CTNNA3: variants seen among roughly 807,000 people sequenced by gnomAD.
The protein encoded by CTNNA3 is catenin alpha 3, also known as catenin alpha-3.
CTNNA3 carries 76 observed loss-of-function variants against 95.7 expected under a neutral mutation model. That is an observed-to-expected ratio of 0.79 (90% confidence interval 0.66 to 0.96). The LOEUF (loss-of-function observed/expected upper bound fraction) is 0.96. Ranked by LOEUF, CTNNA3 falls within the 40% of genes least tolerant of loss-of-function variation. The pLI, the probability that CTNNA3 is intolerant of heterozygous loss-of-function variation, is 0.00. For synonymous variants in CTNNA3, 431 were observed against 374.4 expected, an observed-to-expected ratio of 1.15 and a Z score of -1.74; for missense variants, 1,191 against 1,089.8, an observed-to-expected ratio of 1.09 and a Z score of -1.31.
rs180999799 is a variant in CTNNA3 at position 65,962,945 on chromosome 10, C to A, written c.2400+3667G>T. Among the ~76,000 whole-genome samples the A allele has an allele frequency of 2.5e-3, 378 of 152,220 alleles. 3 individuals carry two copies. The highest frequency in any genetic ancestry group is 8.6e-3 in the African/African-American group (358 of 41,532). ...TGTATATGTGCCACATTTTCTTAATCCAGTCTATCATTGATGGACATTTGG... is the reference window on the plus strand; with the variant it reads ...TGTATATGTGCCACATTTTCTTAATACAGTCTATCATTGATGGACATTTGG... On this transcript the variant is annotated intron_variant, in intron 17 of 17. Transcript: ENST00000433211.
chr10:66,872,326 G>C (rs2132443278), intron 7 of CTNNA3, among the ~76,000 whole-genome samples: 1 of 152,168 alleles, frequency 6.6e-6, no homozygotes, highest in Non-Finnish European at 1.5e-5. Flanking sequence ...ATAAACATCA[G>C]GACACAAATT....
intron 5 of CTNNA3, among the ~76,000 whole-genome samples, chr10:67,360,226 GAAC>G (rs999113790): frequency 5.9e-5 from 9 of 151,868 alleles, no homozygotes; most frequent in African/African-American, 2.2e-4. Context: ...AAAAAAGAAA[GAAC>G]AACACCTGCT....
chr10:66,135,104 A>G (rs911552705), intron 13 of CTNNA3, among the ~76,000 whole-genome samples: 2 of 152,200 alleles, frequency 1.3e-5, no homozygotes, highest in Non-Finnish European at 2.9e-5. Context: ...TTGATCTTAT[A>G]TTTGAATAAG....
intron 15 of CTNNA3, among the ~76,000 whole-genome samples, chr10:66,013,554 C>T (rs1344161098): frequency 6.6e-6 from 1 of 152,140 alleles, no homozygotes; most frequent in Non-Finnish European, 1.5e-5. Context: ...TGCTAACGCG[C>T]TTTTAACTGA....
chr10:67,452,542 A>G (rs1205445212), intron 5 of CTNNA3, among the ~76,000 whole-genome samples: 1 of 152,224 alleles, frequency 6.6e-6, no homozygotes, highest in Admixed American at 6.5e-5. Context: ...ATTTTTCTAT[A>G]TCAAAAACTA....
intron 10 of CTNNA3, among the ~76,000 whole-genome samples, chr10:66,592,119 A>G (rs962759594): frequency 1.3e-5 from 2 of 151,694 alleles, no homozygotes; most frequent in East Asian, 3.9e-4. Flanking sequence ...AAAAATGGTG[A>G]CTCATGACTC....
chr10:67,193,227 T>A lies in CTNNA3; in HGVS notation c.844-12707A>T, dbSNP rs138680684. Among the ~76,000 whole-genome samples the A allele has an allele frequency of 7.5e-3, 1,135 of 152,116 alleles. 16 individuals are homozygous for A. The highest frequency in any genetic ancestry group is 0.026 in the African/African-American group (1,079 of 41,558). ...TAATTGGTATGTTAATTAATATGAT[T>A]GGGGTAATCATTACACAATGCACAT... On this transcript the variant is annotated intron_variant, in intron 6 of 17. Transcript: ENST00000433211.
chr10:66,596,056 G>A (rs1843703423), intron 10 of CTNNA3, among the ~76,000 whole-genome samples: 1 of 151,958 alleles, frequency 6.6e-6, no homozygotes, highest in African/African-American at 2.4e-5. Flanking sequence ...AAGAAAAGTG[G>A]GAGCAGCTTC....
At chr10:67,098,775 T>C (rs1858161859) in intron 7 of CTNNA3, 1 of 152,028 alleles carries the variant, frequency 6.6e-6, no homozygotes, top group African/African-American at 2.4e-5. Flanking sequence ...GGTGGGAGTA[T>C]AGTGCATAAT....
Position 67,606,910 on chromosome 10 carries a change from G to T in CTNNA3, c.239C>A (p.Ala80Asp). The change falls in exon 3 of 18, where the codon GCT becomes GAT. Residue 80 changes from alanine to aspartate, a missense_variant. By Grantham distance (126) the Ala-to-Asp change is moderately radical (BLOSUM62 -2). Coordinates refer to ENST00000433211, the MANE Select transcript of CTNNA3 (RefSeq NM_013266.4). ...LDKGEKIAQEATVLKDELTAS... is the reference protein window; with the variant it reads ...LDKGEKIAQEDTVLKDELTAS... ...CGTAAGCTCATCCTTTAAAACTGTA[G>T]CTTCCTGGGCAATCTTCTCTCCCTT... 6.2e-7 allele frequency: 1 copy of T among 1,614,100 alleles called. No homozygotes were observed. The highest frequency in any genetic ancestry group is 8.5e-7 in the Non-Finnish European group (1 of 1,179,966).
At chr10:66,010,590 T>A (rs2078987362) in intron 15 of CTNNA3, among the ~76,000 whole-genome samples, 1 of 152,218 alleles carries the variant, frequency 6.6e-6, no homozygotes, top group Non-Finnish European at 1.5e-5. Context: ...GGTTCTACTC[T>A]GTCTTCTAAG....
chr10:66,231,953 G>T (rs1004155027), intron 13 of CTNNA3, among the ~76,000 whole-genome samples: 1 of 152,100 alleles, frequency 6.6e-6, no homozygotes, highest in Non-Finnish European at 1.5e-5. Context: ...TACTGCTACT[G>T]CTAAGGATTA....
chr10:67,560,955 G>A (rs1353016457), intron 3 of CTNNA3, among the ~76,000 whole-genome samples: 1 of 152,016 alleles, frequency 6.6e-6, no homozygotes, highest in Admixed American at 6.6e-5. Context: ...AAATATATAT[G>A]CACCAAATAC....
At chr10:66,367,974 T>C (rs2092725927) in intron 12 of CTNNA3, among the ~76,000 whole-genome samples, 1 of 150,118 alleles carries the variant, frequency 6.7e-6, no homozygotes, top group Admixed American at 6.7e-5. Flanking sequence ...ATCCATTGCT[T>C]TCTGGATCTG....
At position 66,259,427 on chromosome 10, in the gene CTNNA3, G is replaced by C. The variant is rs552494254; in HGVS notation, c.1884+21043C>G. Reference sequence around the variant, plus strand: ...GGGGAACACAAAGGGTCAAAGATTTGACCAAGATATTTTCAGGAAGAAAAT... The same window carrying C: ...GGGGAACACAAAGGGTCAAAGATTTCACCAAGATATTTTCAGGAAGAAAAT... On this transcript the variant is annotated intron_variant, in intron 13 of 17. Coordinates refer to ENST00000433211, the MANE Select transcript of CTNNA3 (RefSeq NM_013266.4). Among the ~76,000 whole-genome samples, 224 of 152,220 alleles carry C rather than the reference G, an allele frequency of 1.5e-3. 2 individuals are homozygous for C. The highest frequency in any genetic ancestry group is 3.4e-3 in the Middle Eastern group (1 of 294).
At chr10:67,575,779 T>C (rs1158215857) in intron 3 of CTNNA3, among the ~76,000 whole-genome samples, 3 of 152,222 alleles carry the variant, frequency 2.0e-5, no homozygotes, top group Non-Finnish European at 2.9e-5. Flanking sequence ...TTAGCTTTCC[T>C]TCTTCAGAAG....
chr10:67,019,586 TAAG>T (rs1046952496), intron 7 of CTNNA3, among the ~76,000 whole-genome samples: 81 of 152,298 alleles, frequency 5.3e-4, no homozygotes, highest in Middle Eastern at 6.8e-3. Flanking sequence ...ACTTTATAAA[TAAG>T]AAATATGGAG....
At chr10:66,978,794 C>T (rs1354872456) in intron 7 of CTNNA3, among the ~76,000 whole-genome samples, 2 of 150,522 alleles carry the variant, frequency 1.3e-5, no homozygotes, top group African/African-American at 4.9e-5. Context: ...GAAAGCAAGG[C>T]CTGACATATG....
At chr10:66,061,812 T>G (rs1271104669) in intron 15 of CTNNA3, among the ~76,000 whole-genome samples, 1 of 152,140 alleles carries the variant, frequency 6.6e-6, no homozygotes, top group Non-Finnish European at 1.5e-5. Flanking sequence ...TCATACTTTT[T>G]CTTCTGTGCT....
Sources: allele counts gnomAD v4.1 joint callset (sites outside exome capture counted in the v4.1 genomes callset), GRCh38; gene constraint gnomAD v4.1.1; transcripts MANE v1.5; gene names NCBI Gene and HGNC (gene_info 2026-07-23, HGNC 2026-07-21).